The following NT5E variants were observed in gnomAD, a reference collection of about 807,000 sequenced individuals.
NT5E encodes the protein 5'-nucleotidase ecto.
Under a neutral mutation model 55.1 loss-of-function variants are expected in NT5E, and 53 were observed. That is an observed-to-expected ratio of 0.96 (90% CI 0.77 to 1.21). NT5E has a LOEUF of 1.21. Ranked by LOEUF, NT5E falls within the 50% of genes most tolerant of loss-of-function variation. The pLI is 0.00. For missense variants in NT5E, 683 were observed against 724.3 expected, an observed-to-expected ratio of 0.94 and a Z score of 0.65; for synonymous variants, 270 against 278.4, an observed-to-expected ratio of 0.97 and a Z score of 0.30.
chr6:85,463,410 A>G (rs1189535857), intron 1 of NT5E, among the ~76,000 whole-genome samples: 1 of 152,242 alleles, frequency 6.6e-6, no homozygotes, highest in Non-Finnish European at 1.5e-5. Flanking sequence ...TACCCCATAC[A>G]TTTATACAAA....
intron 1 of NT5E, among the ~76,000 whole-genome samples, chr6:85,456,340 G>C (rs1014531181): frequency 1.3e-5 from 2 of 152,108 alleles, no homozygotes. Context: ...TCTGTGACTC[G>C]TTCTAGCCAA....
chr6:85,450,542 G>T lies in NT5E; in HGVS notation c.339+64G>T. ...CTGAGAGAGGAGCCGGGCTGGAAAA[G>T]CAGCGGATGGCAGAGTGTGGCAAGC... On this transcript the variant is annotated intron_variant, in intron 1 of 8. Transcript: ENST00000257770. This position sits in a 1 kb window ranked among gnomAD's most constrained non-coding sequence, Gnocchi z 4.0. The T allele has an allele frequency of 2.1e-6, 3 of 1,439,234 alleles. No individual in the cohort carries two copies. The highest frequency in any genetic ancestry group is 2.9e-6 in the Non-Finnish European group (3 of 1,047,584). The allele number at this position is 1,439,234 out of a possible 1,614,324, so 89.2% of individuals were successfully genotyped here. A position where few individuals can be genotyped will look rare whatever the true frequency, so the allele number is the denominator to read the frequency against.
chr6:85,492,477 A>G (rs1344080195), intron 8 of NT5E, among the ~76,000 whole-genome samples: 2 of 152,264 alleles, frequency 1.3e-5, no homozygotes, highest in Non-Finnish European at 2.9e-5. Flanking sequence ...TGAGTTTTGC[A>G]TTAACAGAAA....
chr6:85,483,489 C>A (rs560046389), intron 3 of NT5E, among the ~76,000 whole-genome samples: 2 of 152,344 alleles, frequency 1.3e-5, no homozygotes, highest in Admixed American at 1.3e-4. Flanking sequence ...ACAACATCTG[C>A]ATCCGCTACA....
chr6:85,468,089 G>A (rs1002247034), intron 2 of NT5E, among the ~76,000 whole-genome samples: 1 of 152,134 alleles, frequency 6.6e-6, no homozygotes, highest in Non-Finnish European at 1.5e-5. Flanking sequence ...AGGGAAAATA[G>A]GAGCCAGGGT....
At chr6:85,486,988 T>C (rs538190030) in intron 4 of NT5E, among the ~76,000 whole-genome samples, 2 of 152,316 alleles carry the variant, frequency 1.3e-5, no homozygotes, top group South Asian at 2.1e-4. Flanking sequence ...CTGACAGCGA[T>C]AGCCCAGCTG....
At chr6:85,471,171 T>C (rs1374194813) in intron 2 of NT5E, 66 bp from the exon 3 acceptor site, 32 of 1,114,228 alleles carry the variant, frequency 2.9e-5, no homozygotes, top group Non-Finnish European at 4.0e-5. Flanking sequence ...TGCATGTTAA[T>C]ATGTATATTA....
rs768382526 is a variant in NT5E at position 85,492,123 on chromosome 6, A to T, written c.1507A>T (p.Asn503Tyr). The change falls in exon 8 of 9, where the codon AAT (asparagine) becomes TAT (tyrosine). Residue 503 changes from asparagine to tyrosine, a missense_variant. Physicochemically the swap from Asn to Tyr is moderately radical, Grantham distance 143 (BLOSUM62 -2). Transcript: ENST00000257770. ...GGTGATCCTCCCAAACTTCCTGGCC[A>T]ATGGTGGAGATGGGTTCCAGATGAT... ...YKVILPNFLANGGDGFQMIKD... is the reference protein window; with the variant it reads ...YKVILPNFLAYGGDGFQMIKD... 2 of 1,614,088 alleles carry T rather than the reference A, an allele frequency of 1.2e-6. No individual in the cohort carries two copies. Among genetic ancestry groups the T allele is most frequent in the Non-Finnish European group, 1.7e-6 (2 of 1,180,032 alleles).
chr6:85,481,773 T>C (rs532923951), intron 3 of NT5E, among the ~76,000 whole-genome samples: 2 of 152,332 alleles, frequency 1.3e-5, no homozygotes, highest in South Asian at 4.1e-4. Context: ...TAGGTTATGA[T>C]ATTCATGTTA....
intron 1 of NT5E, among the ~76,000 whole-genome samples, chr6:85,454,706 G>A (rs1006725052): frequency 2.0e-5 from 3 of 152,050 alleles, no homozygotes; most frequent in African/African-American, 7.2e-5. Flanking sequence ...GCTTTTGAAA[G>A]TTTGCCTAAT....
rs1024906068 is a variant in NT5E, at chr6:85,494,932, T to C, written c.*928T>C. 5.4e-5 allele frequency: 8 copies of C among 148,212 alleles called. No homozygotes were observed. Among genetic ancestry groups the C allele is most frequent in the African/African-American group, 2.1e-4 (8 of 38,192 alleles). The allele number at this position is 148,212 out of a possible 1,614,324, so 9.2% of individuals were successfully genotyped here. A position where few individuals can be genotyped will look rare whatever the true frequency, so the allele number is the denominator to read the frequency against. On this transcript the variant is annotated 3_prime_UTR_variant, in exon 9 of 9. Coordinates refer to ENST00000257770, the MANE Select transcript of NT5E (RefSeq NM_002526.4). ...TAAGCATAGTGCCTGACACACGGCA[T>C]TAGCTGTTATTTTATGAGATTCCAT... is the stretch of plus-strand genomic sequence containing the variant.
chr6:85,488,016 G>A (rs1769702374), intron 5 of NT5E, among the ~76,000 whole-genome samples: 1 of 152,152 alleles, frequency 6.6e-6, no homozygotes, highest in African/African-American at 2.4e-5. Flanking sequence ...ATATCTGTTT[G>A]GCCAGACTGT....
intron 1 of NT5E, among the ~76,000 whole-genome samples, chr6:85,462,432 C>T (rs1769115683): frequency 6.6e-6 from 1 of 152,122 alleles, no homozygotes; most frequent in Admixed American, 6.5e-5. Flanking sequence ...TCCAGGAGCA[C>T]CAAATCACCT....
intron 3 of NT5E, among the ~76,000 whole-genome samples, chr6:85,482,780 C>T (rs1769575237): frequency 6.6e-6 from 1 of 152,200 alleles, no homozygotes; most frequent in Non-Finnish European, 1.5e-5. Context: ...GCACGAACAT[C>T]TTCGGCTGAA....
intron 2 of NT5E, among the ~76,000 whole-genome samples, chr6:85,468,737 A>G (rs1198840793): frequency 6.6e-6 from 1 of 152,108 alleles, no homozygotes; most frequent in Non-Finnish European, 1.5e-5. Flanking sequence ...TTTGGAGGAA[A>G]GCATTGTCTC....
chr6:85,489,717 C>A, intron 6 of NT5E, 118 bp downstream of exon 6: 1 of 755,216 alleles, frequency 1.3e-6, no homozygotes, highest in East Asian at 2.7e-5. Flanking sequence ...TGCTGCCAGC[C>A]ATGTACCAGA....
At chr6:85,472,027 T>C (rs1050034544) in intron 3 of NT5E, among the ~76,000 whole-genome samples, 4 of 152,106 alleles carry the variant, frequency 2.6e-5, no homozygotes, top group African/African-American at 9.7e-5. Flanking sequence ...CTCAAATTGG[T>C]GTTAAGTAGT....
At chr6:85,493,765 T>C (rs1210839344) in intron 8 of NT5E, 76 bp from the exon 9 acceptor site, 1 of 1,298,388 alleles carries the variant, frequency 7.7e-7, no homozygotes, top group African/African-American at 1.5e-5. Flanking sequence ...TTCCCTTTTA[T>C]AATTACAAAG....
intron 2 of NT5E, among the ~76,000 whole-genome samples, chr6:85,469,510 G>A (rs1769262285): frequency 6.6e-6 from 1 of 152,160 alleles, no homozygotes; most frequent in African/African-American, 2.4e-5. Flanking sequence ...AGGCTGTGGA[G>A]AAGAATTAAG....
Sources: allele counts gnomAD v4.1 joint callset (sites outside exome capture counted in the v4.1 genomes callset), GRCh38; gene constraint gnomAD v4.1.1; non-coding constraint Gnocchi (gnomAD v3.1); transcripts MANE v1.5; gene names NCBI Gene and HGNC (gene_info 2026-07-23, HGNC 2026-07-21).